Variants in MYLK4 observed in about 807,000 individuals in gnomAD.
The protein encoded by MYLK4 is myosin light chain kinase family member 4.
MYLK4 carries 46 observed loss-of-function variants against 48.1 expected under a neutral mutation model. The ratio of observed to expected loss-of-function variants is 0.96; its 90% CI spans 0.75 to 1.22. MYLK4 has a LOEUF of 1.22. Ranked by LOEUF, MYLK4 falls within the 50% of genes most tolerant of loss-of-function variation. The probability of loss-of-function intolerance (pLI) is 0.00; values close to 1 mark genes in which losing one functional copy is unlikely to be tolerated. For synonymous variants in MYLK4, 170 were observed against 180.8 expected, an observed-to-expected ratio of 0.94 and a Z score of 0.48; for missense variants, 451 against 486.1, an observed-to-expected ratio of 0.93 and a Z score of 0.68.
rs183151380 is a variant in MYLK4 at position 2,688,921 on chromosome 6, G to A, written c.271C>T (p.Arg91Cys). 4.3e-6 allele frequency: 7 copies of A among 1,614,074 alleles called. No individual in the cohort carries two copies. The highest frequency in any genetic ancestry group is 4.5e-5 in the East Asian group (2 of 44,898). Residue 91 changes from arginine (R) to cysteine (C), a missense_variant, in exon 4 of 13, where the codon CGT (arginine) becomes TGT (cysteine). Arg to Cys is a radical substitution (Grantham distance 180, BLOSUM62 -3). Transcript: ENST00000274643. ...GCTCCTTGCTTGGCTGTCACAATACGATGATCAAATGGGGCCGGAGGAGCC... is the reference window on the plus strand; with the variant it reads ...GCTCCTTGCTTGGCTGTCACAATACAATGATCAAATGGGGCCGGAGGAGCC... Reference protein sequence around the residue: ...IPAPPAPFDHRIVTAKQGAVN... With the variant: ...IPAPPAPFDHCIVTAKQGAVN...
rs1157191187 is a variant in MYLK4, at chr6:2,675,047, C to T, written c.1119G>A (p.Gln373=). Residue 373 remains glutamine (Q), a splice_region_variant and synonymous_variant, in exon 11 of 13, where the codon CAG becomes CAA. Transcript: ENST00000274643. ...AGGAAGAGCAAGAAGCCGTGGTCACCTGGGCATTGAGTCTGGAGTGGAGCT... is the reference window on the plus strand; with the variant it reads ...AGGAAGAGCAAGAAGCCGTGGTCACTTGGGCATTGAGTCTGGAGTGGAGCT... ...DHKLHSRLNA[Q]KKKNRGSDAQ... 1 of 1,612,972 alleles carries T rather than the reference C, an allele frequency of 6.2e-7. No individual in the cohort carries two copies. Among genetic ancestry groups the T allele is most frequent in the Admixed American group, 1.7e-5 (1 of 60,014 alleles).
chr6:2,686,079 A>AG (rs1422481097), intron 4 of MYLK4, among the ~76,000 whole-genome samples: 5 of 116,572 alleles, frequency 4.3e-5, no homozygotes, highest in African/African-American at 1.7e-4. Context: ...AAAAAAAAAA[A>AG]AAAGAAGAAA....
rs181634165 is a variant in MYLK4 at position 2,703,763 on chromosome 6, G to A, written c.160-10904C>T. Reference sequence around the variant, plus strand: ...TCGGCTCACTGCAAACTCCGCCTCCGGGGTTCAAGCGATTCTCCTGCCTCA... The same window carrying A: ...TCGGCTCACTGCAAACTCCGCCTCCAGGGTTCAAGCGATTCTCCTGCCTCA... On this transcript the variant is annotated intron_variant, in intron 2 of 12. Coordinates refer to ENST00000274643, the MANE Select transcript of MYLK4 (RefSeq NM_001012418.5). Among the ~76,000 whole-genome samples, 347 of 131,470 alleles carry A rather than the reference G, an allele frequency of 2.6e-3. 2 individuals are homozygous for A. Among genetic ancestry groups the A allele is most frequent in the Admixed American group, 6.4e-3 (65 of 10,106 alleles). 86.2% of individuals were successfully genotyped at this position (131,470 alleles called of 152,430 possible).
intron 2 of MYLK4, among the ~76,000 whole-genome samples, chr6:2,737,977 C>CG (rs1158504264): frequency 0.11 from 274 of 2,428 alleles, 4 homozygotes; most frequent in Non-Finnish European, 0.13. Context: ...GTGCCGGGGG[C>CG]GGGTGGGGGG....
At chr6:2,688,829 A>G (rs2113154322) in intron 4 of MYLK4, 22 bp downstream of exon 4, 4 of 1,586,190 alleles carry the variant, frequency 2.5e-6, no homozygotes, top group Non-Finnish European at 3.5e-6. Context: ...TTGAGAGAAT[A>G]TTAACATTCA....
intron 2 of MYLK4, among the ~76,000 whole-genome samples, chr6:2,712,767 C>G (rs1473323431): frequency 6.6e-6 from 1 of 152,202 alleles, no homozygotes; most frequent in African/African-American, 2.4e-5. Context: ...TGGACACAAG[C>G]TACTCTCTGC....
chr6:2,745,304 C>A (rs1013140662), intron 2 of MYLK4, among the ~76,000 whole-genome samples: 57 of 151,080 alleles, frequency 3.8e-4, no homozygotes, highest in Non-Finnish European at 1.2e-4. Context: ...AGAGAACTGA[C>A]AAAAGAAAAA....
At chr6:2,727,275 T>G (rs1268961587) in intron 2 of MYLK4, among the ~76,000 whole-genome samples, 1 of 152,172 alleles carries the variant, frequency 6.6e-6, no homozygotes. Flanking sequence ...TGGATTCCAC[T>G]ACTGTAAGAT....
At chr6:2,678,623 T>C (rs1489171704) in intron 9 of MYLK4, among the ~76,000 whole-genome samples, 1 of 152,180 alleles carries the variant, frequency 6.6e-6, no homozygotes, top group African/African-American at 2.4e-5. Flanking sequence ...ACTTTTCAGC[T>C]TGCAAAGTGC....
chr6:2,705,184 G>A (rs1762440406), intron 2 of MYLK4, among the ~76,000 whole-genome samples: 1 of 152,156 alleles, frequency 6.6e-6, no homozygotes, highest in South Asian at 2.1e-4. Flanking sequence ...TTTATTTAGT[G>A]TTTTTAGTTC....
chr6:2,727,487 C>T (rs1030479969), intron 2 of MYLK4, among the ~76,000 whole-genome samples: 1 of 152,088 alleles, frequency 6.6e-6, no homozygotes, highest in African/African-American at 2.4e-5. Context: ...GGGAACCCCC[C>T]CAAAGACAGC....
chr6:2,766,404 TC>T, the MYLK4 span: 2 of 1,604,380 alleles, frequency 1.2e-6, no homozygotes, highest in Non-Finnish European at 1.7e-6. Context: ...ACCAACGAAA[TC>T]CCCTCGCTTA....
At chr6:2,755,306 C>G (rs1764401239), upstream of MYLK4, among the ~76,000 whole-genome samples, 1 of 152,122 alleles carries the variant, frequency 6.6e-6, no homozygotes, top group South Asian at 2.1e-4. Flanking sequence ...ACCTATACAT[C>G]CTTCACCCAT....
At chr6:2,696,969 G>A (rs2113197544) in intron 2 of MYLK4, among the ~76,000 whole-genome samples, 1 of 152,332 alleles carries the variant, frequency 6.6e-6, no homozygotes, top group African/African-American at 2.4e-5. Context: ...TGAGGCAAGA[G>A]AATTGCTTGA....
chr6:2,692,740 G>A, intron 3 of MYLK4, 44 bp downstream of exon 3: 1 of 1,563,004 alleles, frequency 6.4e-7, no homozygotes, highest in Non-Finnish European at 8.8e-7. Flanking sequence ...TTTTATAACG[G>A]AACTTTCTTC....
At chr6:2,753,547 T>C (rs1410005282), upstream of MYLK4, among the ~76,000 whole-genome samples, 1 of 152,122 alleles carries the variant, frequency 6.6e-6, no homozygotes, top group Non-Finnish European at 1.5e-5. Context: ...ACGTTTGCCT[T>C]TGAAAAAACA....
the MYLK4 span, among the ~76,000 whole-genome samples, chr6:2,767,508 T>C: frequency 5.5e-3 from 834 of 152,358 alleles, 9 homozygotes; most frequent in African/African-American, 0.018. Flanking sequence ...TTTTGTGCCT[T>C]CTTGTTTGCA....
chr6:2,742,385 T>G (rs1265837540), intron 2 of MYLK4, among the ~76,000 whole-genome samples: 1 of 152,070 alleles, frequency 6.6e-6, no homozygotes, highest in African/African-American at 2.4e-5. Context: ...CCCAAAGGAT[T>G]ATAAATCATG....
At chr6:2,668,549 C>T (rs1760751823) in intron 12 of MYLK4, among the ~76,000 whole-genome samples, 1 of 152,150 alleles carries the variant, frequency 6.6e-6, no homozygotes, top group Non-Finnish European at 1.5e-5. Flanking sequence ...ATTTATCGGC[C>T]TGGAACTCTT....
Sources: gnomAD v4.1 joint callset for allele counts (sites outside exome capture counted in the v4.1 genomes callset) on GRCh38, gnomAD v4.1.1 for gene constraint, MANE v1.5 for transcripts, NCBI Gene and HGNC (gene_info 2026-07-23, HGNC 2026-07-21) for gene names.